The following DNAAF11 variants were observed in gnomAD, a reference collection of about 807,000 sequenced individuals.
DNAAF11 encodes the protein dynein axonemal assembly factor 11, also known as leucine rich repeat containing 6.
DNAAF11 carries 45 observed loss-of-function variants against 60.8 expected under a neutral mutation model. The ratio of observed to expected loss-of-function variants is 0.74; its 90% confidence interval spans 0.58 to 0.95. The LOEUF (loss-of-function observed/expected upper bound fraction) is 0.95. DNAAF11 is among the 40% of genes least tolerant of loss of function. DNAAF11 has a pLI of 0.00. For missense variants in DNAAF11, 546 were observed against 546.2 expected (o/e 1.00, Z 0.00); for synonymous variants, 191 against 183.5 (o/e 1.04, Z -0.33).
chr8:132,596,295 C>A (rs1214009180), intron 10 of DNAAF11, among the ~76,000 whole-genome samples: 1 of 152,096 alleles, frequency 6.6e-6, no homozygotes. Context: ...GTAAAATCAA[C>A]ACTGACAGTT....
At chr8:132,685,335 A>G in the DNAAF11 span, among the ~76,000 whole-genome samples, 1 of 152,210 alleles carries the variant, frequency 6.6e-6, no homozygotes, top group Non-Finnish European at 1.5e-5. Flanking sequence ...ATATCTCTGA[A>G]CACATTAATC....
At chr8:132,634,506 C>T (rs1007377874) in intron 4 of DNAAF11, among the ~76,000 whole-genome samples, 1 of 152,038 alleles carries the variant, frequency 6.6e-6, no homozygotes, top group African/African-American at 2.4e-5. Context: ...GCAATAAAAC[C>T]TATTATTTAA....
intron 3 of DNAAF11, among the ~76,000 whole-genome samples, chr8:132,655,917 C>T (rs948370501): frequency 6.6e-5 from 10 of 152,034 alleles, no homozygotes; most frequent in East Asian, 5.8e-4. Context: ...AAGTACAAAT[C>T]GATACAATAA....
intron 3 of DNAAF11, among the ~76,000 whole-genome samples, chr8:132,651,812 TTTA>T (rs1406125977): frequency 6.6e-6 from 1 of 152,098 alleles, no homozygotes; most frequent in Non-Finnish European, 1.5e-5. Flanking sequence ...TACAGTAAAT[TTTA>T]TTATTCCATT....
intron 10 of DNAAF11, among the ~76,000 whole-genome samples, chr8:132,586,419 ATTTG>A (rs1163912542): frequency 6.6e-6 from 1 of 152,178 alleles, no homozygotes; most frequent in African/African-American, 2.4e-5. Flanking sequence ...ATTAATTTGA[ATTTG>A]TTTATTTAGC....
chr8:132,631,168 G>C (rs1365058085), intron 5 of DNAAF11, among the ~76,000 whole-genome samples: 1 of 152,194 alleles, frequency 6.6e-6, no homozygotes, highest in African/African-American at 2.4e-5. Context: ...CTGGCAAAGA[G>C]AGACCATGAT....
rs1405111593 is a variant in DNAAF11, at chr8:132,570,845, G to C, written c.*1461C>G. Among the ~76,000 whole-genome samples the C allele has an allele frequency of 6.6e-6, 1 of 152,116 alleles. No individual in the cohort carries two copies. Among genetic ancestry groups the C allele is most frequent in the African/African-American group, 2.4e-5 (1 of 41,424 alleles). On this transcript the variant is annotated 3_prime_UTR_variant, in exon 12 of 12. Coordinates refer to ENST00000620350, the MANE Select transcript of DNAAF11 (RefSeq NM_012472.6). The stretch of plus-strand genomic sequence containing the variant: ...CCAGAAGGGTAGCAGATAAATAGAG[G>C]CAACAATTTCAGCAGCATGATAATT...
chr8:132,640,737 T>C (rs1821770240), intron 3 of DNAAF11, among the ~76,000 whole-genome samples: 1 of 152,094 alleles, frequency 6.6e-6, no homozygotes. Context: ...TTATCACCTT[T>C]TGCAACAAAA....
chr8:132,627,090 G>T (rs1180971404), intron 5 of DNAAF11, among the ~76,000 whole-genome samples: 1 of 151,998 alleles, frequency 6.6e-6, no homozygotes, highest in Non-Finnish European at 1.5e-5. Flanking sequence ...TAAATAAATT[G>T]CTTTGCTATA....
the DNAAF11 span, among the ~76,000 whole-genome samples, chr8:132,689,160 G>C: frequency 6.6e-6 from 1 of 152,180 alleles, no homozygotes; most frequent in Non-Finnish European, 1.5e-5. Context: ...CAACTGATGA[G>C]TTGTAGAGCA....
intron 5 of DNAAF11, among the ~76,000 whole-genome samples, chr8:132,629,823 A>G (rs1023576461): frequency 2.0e-5 from 3 of 152,230 alleles, no homozygotes; most frequent in African/African-American, 7.2e-5. Flanking sequence ...GGTTAGCAAG[A>G]TTAACACAAT....
At chr8:132,701,809 C>T in the DNAAF11 span, among the ~76,000 whole-genome samples, 3 of 152,170 alleles carry the variant, frequency 2.0e-5, no homozygotes, top group Non-Finnish European at 4.4e-5. Flanking sequence ...TTGAGCCTGT[C>T]ATCTGGTAGA....
intron 7 of DNAAF11, among the ~76,000 whole-genome samples, chr8:132,616,657 G>C (rs924408924): frequency 6.6e-6 from 1 of 152,170 alleles, no homozygotes; most frequent in Non-Finnish European, 1.5e-5. Flanking sequence ...TTCTCTTTTA[G>C]TCGTCATAAG....
At chr8:132,609,059 T>A (rs1041209835) in intron 10 of DNAAF11, among the ~76,000 whole-genome samples, 5 of 152,148 alleles carry the variant, frequency 3.3e-5, no homozygotes, top group Admixed American at 6.5e-5. Context: ...TATCTACTCT[T>A]CCCCTTTGAA....
At chr8:132,682,438 C>T in the DNAAF11 span, among the ~76,000 whole-genome samples, 1 of 152,166 alleles carries the variant, frequency 6.6e-6, no homozygotes, top group Non-Finnish European at 1.5e-5. Context: ...AATGACTGAC[C>T]ACTGTCAATG....
the DNAAF11 span, among the ~76,000 whole-genome samples, chr8:132,690,575 T>A: frequency 6.6e-5 from 10 of 152,324 alleles, no homozygotes; most frequent in East Asian, 1.5e-3. Context: ...AAATAATCAA[T>A]GTTGATACAT....
At chr8:132,693,387 T>A in the DNAAF11 span, among the ~76,000 whole-genome samples, 1 of 152,132 alleles carries the variant, frequency 6.6e-6, no homozygotes, top group Non-Finnish European at 1.5e-5. Flanking sequence ...TTTATGTATA[T>A]CCACAATACG....
chr8:132,675,459 G>A (rs780803440), intron 1 of DNAAF11, 25 bp downstream of exon 1: 3 of 1,560,898 alleles, frequency 1.9e-6, no homozygotes, highest in Middle Eastern at 3.4e-4. Context: ...GAACGATCGA[G>A]GACGGAAGGT....
At position 132,583,753 on chromosome 8, in the gene DNAAF11, C is replaced by T; in HGVS notation, c.1167G>A (p.Gln389=). 6.2e-7 allele frequency: 1 copy of T among 1,613,746 alleles called. No individual in the cohort carries two copies. The highest frequency in any genetic ancestry group is 8.5e-7 in the Non-Finnish European group (1 of 1,179,742). The change falls in exon 11 of 12, where the codon CAG becomes CAA. Residue 389 remains glutamine, a synonymous_variant. Transcript: ENST00000620350. The stretch of plus-strand genomic sequence containing the variant: ...TAGTTTTCATAGATTTGAATGCTCG[C>T]TGACCACCTGTGATTACTTCTCCTA... The part of the protein sequence containing the change: ...PKVGEVITGG[Q]RAFKSMKTTS...
Sources: gnomAD v4.1 joint callset for allele counts (sites outside exome capture counted in the v4.1 genomes callset) on GRCh38, gnomAD v4.1.1 for gene constraint, MANE v1.5 for transcripts, NCBI Gene and HGNC (gene_info 2026-07-23, HGNC 2026-07-21) for gene names.